The following NPAS3 variants were observed in gnomAD, a reference collection of about 807,000 sequenced individuals.
NPAS3 encodes neuronal PAS domain protein 3.
In NPAS3, 14 loss-of-function variants were observed where a neutral mutation model predicts 73.1. The observed-to-expected ratio is 0.19, with a 90% CI of 0.13 to 0.30. The LOEUF is 0.30. NPAS3 is among the 10% of genes least tolerant of loss of function. NPAS3 has a pLI of 1.00. For missense variants in NPAS3, 1,096 were observed against 1,250.0 expected (o/e 0.88, Z 1.86); for synonymous variants, 620 against 541.5 (o/e 1.14, Z -2.01).
At chr14:33,762,934 C>A (rs2062341893) in intron 7 of NPAS3, among the ~76,000 whole-genome samples, 1 of 152,096 alleles carries the variant, frequency 6.6e-6, no homozygotes, top group Non-Finnish European at 1.5e-5. Context: ...GAGAAATAAG[C>A]ACATTTGGGA....
At chr14:32,959,967 T>G (rs1348168120) in intron 1 of NPAS3, among the ~76,000 whole-genome samples, 2 of 144,288 alleles carry the variant, frequency 1.4e-5, no homozygotes, top group Non-Finnish European at 3.0e-5. Flanking sequence ...ATGTTTTATG[T>G]GAGTTTCAAT....
rs372964418 is a variant in NPAS3 at position 32,943,152 on chromosome 14, T to G, written c.50+3786T>G. Among the ~76,000 whole-genome samples the G allele has an allele frequency of 2.5e-4, 38 of 152,342 alleles. No individual in the cohort carries two copies. In the East Asian group the frequency reaches 5.0e-3, roughly 20 times the overall value. On this transcript the variant is annotated intron_variant, in intron 1 of 11. Coordinates refer to ENST00000356141, the Ensembl canonical transcript of NPAS3. ...CCTTACAGTGAGCAAATGAGCAAAC[T>G]TGAATTCAACATTATTCGATACTTT...
intron 4 of NPAS3, among the ~76,000 whole-genome samples, chr14:33,553,037 G>A (rs570339503): frequency 6.6e-6 from 1 of 152,292 alleles, no homozygotes; most frequent in South Asian, 2.1e-4. Context: ...TGCTCCAAAT[G>A]GAGCCCCGGT....
intron 2 of NPAS3, among the ~76,000 whole-genome samples, chr14:33,060,469 G>C (rs753410585): frequency 1.9e-4 from 29 of 152,212 alleles, no homozygotes; most frequent in Admixed American, 3.3e-4. Flanking sequence ...TAGACTCCAA[G>C]TGTAACCAAG....
At chr14:33,731,286 G>A (rs1353419131) in intron 6 of NPAS3, among the ~76,000 whole-genome samples, 1 of 151,888 alleles carries the variant, frequency 6.6e-6, no homozygotes, top group Non-Finnish European at 1.5e-5. Context: ...AGGTGTGGTG[G>A]CACGCACTTG....
At chr14:33,548,373 T>C (rs1026689408) in intron 4 of NPAS3, among the ~76,000 whole-genome samples, 2 of 152,134 alleles carry the variant, frequency 1.3e-5, no homozygotes, top group African/African-American at 2.4e-5. Context: ...GACAAAAGAG[T>C]GGGTAAATAA....
At chr14:33,474,270 T>C (rs551549268) in intron 4 of NPAS3, among the ~76,000 whole-genome samples, 1 of 152,322 alleles carries the variant, frequency 6.6e-6, no homozygotes, top group East Asian at 1.9e-4. Context: ...CTGTAATTAA[T>C]GAACTGAGTA....
At chr14:33,547,811 T>C (rs1290276802) in intron 4 of NPAS3, among the ~76,000 whole-genome samples, 1 of 152,216 alleles carries the variant, frequency 6.6e-6, no homozygotes, top group Non-Finnish European at 1.5e-5. Context: ...GAGGTTGCTA[T>C]TTACTTAGAA....
In NPAS3 at chr14:33,796,147, T is replaced by A. The variant is rs1402213297; in HGVS notation, c.1302-1310T>A. The stretch of plus-strand genomic sequence containing the variant: ...AGCAACTACAGAAGTTTGGTTTTCT[T>A]TCCCACATTCTTGTCTATTATTCTT... On this transcript the variant is annotated intron_variant, in intron 10 of 11. Transcript: ENST00000356141. Among the ~76,000 whole-genome samples the A allele has an allele frequency of 2.6e-5, 4 of 152,154 alleles. No homozygotes were observed. In the East Asian group the frequency reaches 5.8e-4, roughly 22 times the overall value.
At chr14:33,556,919 T>C (rs2055381512) in intron 4 of NPAS3, among the ~76,000 whole-genome samples, 1 of 152,214 alleles carries the variant, frequency 6.6e-6, no homozygotes, top group Non-Finnish European at 1.5e-5. Context: ...GACAATGACA[T>C]ATTAAAATTT....
intron 4 of NPAS3, among the ~76,000 whole-genome samples, chr14:33,507,723 C>T (rs981262064): frequency 1.3e-5 from 2 of 152,022 alleles, no homozygotes; most frequent in South Asian, 2.1e-4. Context: ...GTTTGCAAAA[C>T]ATTCTTGCTA....
At chr14:33,404,159 G>C (rs1413872880) in intron 4 of NPAS3, among the ~76,000 whole-genome samples, 1 of 152,116 alleles carries the variant, frequency 6.6e-6, no homozygotes, top group Non-Finnish European at 1.5e-5. Context: ...CTGCCTCCAA[G>C]TCAAAGTAGC....
At chr14:33,558,331 G>C (rs4982096) in intron 4 of NPAS3, among the ~76,000 whole-genome samples, 121,886 of 151,820 alleles carry the variant, frequency 0.8, 49,035 homozygotes, top group Admixed American at 0.82. Flanking sequence ...CGTGATCTTG[G>C]CTTACTGCAA....
intron 1 of NPAS3, among the ~76,000 whole-genome samples, chr14:32,955,282 G>A (rs17099745): frequency 0.41 from 61,495 of 151,804 alleles, 13,042 homozygotes; most frequent in Middle Eastern, 0.52. Context: ...ATTAATTATC[G>A]AAGTGTACTC....
intron 5 of NPAS3, among the ~76,000 whole-genome samples, chr14:33,631,213 C>G (rs2058368579): frequency 6.6e-6 from 1 of 152,198 alleles, no homozygotes; most frequent in Non-Finnish European, 1.5e-5. Flanking sequence ...ATCTCCACTG[C>G]AGCCAAGTCC....
At chr14:33,457,945 A>C (rs1284883379) in intron 4 of NPAS3, among the ~76,000 whole-genome samples, 2 of 152,144 alleles carry the variant, frequency 1.3e-5, no homozygotes, top group East Asian at 3.9e-4. Flanking sequence ...AATTTAATAT[A>C]AACTAAATAA....
chr14:32,967,510 TTAAAGAA>T (rs1234879374), intron 1 of NPAS3, among the ~76,000 whole-genome samples: 1 of 152,080 alleles, frequency 6.6e-6, no homozygotes, highest in Admixed American at 6.5e-5. Context: ...AAAAATCTGA[TTAAAGAA>T]TGGGCAAGAC....
At chr14:33,431,089 T>C (rs951738097) in intron 4 of NPAS3, among the ~76,000 whole-genome samples, 6 of 152,208 alleles carry the variant, frequency 3.9e-5, no homozygotes, top group African/African-American at 1.2e-4. Context: ...TTATATAATG[T>C]GATTGTTTTT....
At chr14:33,040,744 C>T (rs1180638903) in intron 1 of NPAS3, among the ~76,000 whole-genome samples, 1 of 152,176 alleles carries the variant, frequency 6.6e-6, no homozygotes, top group African/African-American at 2.4e-5. Context: ...GTCTTCTAAC[C>T]TGTCACTTTG....
Sources: gnomAD v4.1 joint callset for allele counts (sites outside exome capture counted in the v4.1 genomes callset) on GRCh38, gnomAD v4.1.1 for gene constraint, MANE v1.5 for transcripts, NCBI Gene and HGNC (gene_info 2026-07-23, HGNC 2026-07-21) for gene names.